Variants in PTPRD observed in about 807,000 individuals in gnomAD.
The protein encoded by PTPRD is protein tyrosine phosphatase receptor type D.
PTPRD carries 34 observed loss-of-function variants against 214.5 expected under a neutral mutation model. The ratio of observed to expected loss-of-function variants is 0.16; its 90% CI spans 0.12 to 0.21. PTPRD has a LOEUF of 0.21. Among genes scored for constraint, PTPRD ranks in the 10% least tolerant of loss-of-function variants. The pLI, the probability that PTPRD is intolerant of heterozygous loss-of-function variation, is 1.00. For missense variants in PTPRD, 2,545 were observed against 2,398.7 expected, an observed-to-expected ratio of 1.06 and a Z score of -1.27; for synonymous variants, 1,128 against 845.7, an observed-to-expected ratio of 1.33 and a Z score of -5.79.
intron 4 of PTPRD, among the ~76,000 whole-genome samples, chr9:10,024,855 C>A (rs899166506): frequency 6.2e-5 from 9 of 145,628 alleles, no homozygotes; most frequent in Non-Finnish European, 1.3e-4. Flanking sequence ...TGTTCAATTC[C>A]CACCTATGAG....
intron 14 of PTPRD, among the ~76,000 whole-genome samples, chr9:8,605,604 T>A (rs1232861787): frequency 1.3e-5 from 2 of 152,196 alleles, no homozygotes; most frequent in Non-Finnish European, 2.9e-5. Context: ...GAAGCCTCCA[T>A]CTCTACATAA....
chr9:8,324,696 A>T (rs981262911), intron 44 of PTPRD, among the ~76,000 whole-genome samples: 1 of 152,140 alleles, frequency 6.6e-6, no homozygotes, highest in Middle Eastern at 3.2e-3. Flanking sequence ...ACACTGGTTT[A>T]ACTAATTTAC....
rs544514775 is a variant in PTPRD, at chr9:8,332,420, A to C, written c.5380-684T>G. On this transcript the variant is annotated intron_variant, in intron 43 of 45. Transcript: ENST00000381196. ...TGTGCTGTTAAGTGGGAAGTAAAGC[A>C]TCCCTCAAGGATACCAACGACTATT... 2.0e-5 allele frequency among the ~76,000 whole-genome samples: 3 copies of C among 152,320 alleles called. No individual in the cohort carries two copies. In the East Asian group the frequency reaches 5.8e-4, roughly 29 times the overall value.
chr9:8,519,420 C>G (rs923506041), intron 20 of PTPRD, among the ~76,000 whole-genome samples: 5 of 152,116 alleles, frequency 3.3e-5, no homozygotes, highest in Non-Finnish European at 7.4e-5. Context: ...GATTCTGAAA[C>G]GCAGTGCTAT....
chr9:10,194,682 CAT>C (rs1564449626), intron 3 of PTPRD, among the ~76,000 whole-genome samples: 1 of 9,974 alleles, frequency 1.0e-4, no homozygotes, highest in Non-Finnish European at 5.9e-4. Flanking sequence ...CACACAATTA[CAT>C]ACATTGGTTA....
intron 9 of PTPRD, among the ~76,000 whole-genome samples, chr9:9,261,576 G>C (rs1190843545): frequency 6.6e-6 from 1 of 151,736 alleles, no homozygotes; most frequent in Non-Finnish European, 1.5e-5. Flanking sequence ...TAAAATGGGG[G>C]AAGGGGTGGC....
intron 12 of PTPRD, among the ~76,000 whole-genome samples, chr9:8,727,911 A>G (rs1197769111): frequency 3.3e-5 from 5 of 152,210 alleles, no homozygotes; most frequent in Non-Finnish European, 5.9e-5. Flanking sequence ...GGTATTTAGT[A>G]TATTATGTTT....
chr9:9,556,635 C>A (rs1002425467), intron 8 of PTPRD, among the ~76,000 whole-genome samples: 1 of 152,170 alleles, frequency 6.6e-6, no homozygotes, highest in African/African-American at 2.4e-5. Flanking sequence ...AGGGCCCCAT[C>A]TAAGATAAAT....
At chr9:10,274,575 T>C (rs2094579092) in intron 3 of PTPRD, among the ~76,000 whole-genome samples, 2 of 152,160 alleles carry the variant, frequency 1.3e-5, no homozygotes, top group Admixed American at 1.3e-4. Flanking sequence ...AGACACCAAA[T>C]GTCCTGAATA....
chr9:9,327,789 A>G (rs1381996925), intron 9 of PTPRD, among the ~76,000 whole-genome samples: 6 of 152,094 alleles, frequency 3.9e-5, no homozygotes, highest in East Asian at 1.9e-4. Flanking sequence ...CATAAAATGT[A>G]TGATAGCATG....
At chr9:8,822,754 G>A (rs1317139681) in intron 11 of PTPRD, among the ~76,000 whole-genome samples, 1 of 152,094 alleles carries the variant, frequency 6.6e-6, no homozygotes, top group African/African-American at 2.4e-5. Flanking sequence ...ATTTGCCCAA[G>A]GTCCCGCAGC....
intron 5 of PTPRD, among the ~76,000 whole-genome samples, chr9:9,887,928 T>C (rs2071593077): frequency 6.6e-6 from 1 of 152,004 alleles, no homozygotes; most frequent in Non-Finnish European, 1.5e-5. Context: ...TGGAGGGAGA[T>C]AATACACTCA....
At chr9:10,023,589 T>C (rs914554886) in intron 4 of PTPRD, among the ~76,000 whole-genome samples, 5 of 151,986 alleles carry the variant, frequency 3.3e-5, no homozygotes, top group East Asian at 1.9e-4. Context: ...TGATCTCTCA[T>C]GCATTTTATT....
intron 11 of PTPRD, among the ~76,000 whole-genome samples, chr9:8,944,559 T>C (rs188006917): frequency 6.6e-6 from 1 of 152,254 alleles, no homozygotes. Flanking sequence ...CGCCATGAAG[T>C]ACTATTCAGC....
chr9:8,785,026 G>A (rs1000531060), intron 11 of PTPRD, among the ~76,000 whole-genome samples: 5 of 152,028 alleles, frequency 3.3e-5, no homozygotes, highest in Admixed American at 3.3e-4. Flanking sequence ...CACCCTGCCA[G>A]TCCTGCCTTC....
chr9:8,594,015 T>C (rs551740574), intron 14 of PTPRD, among the ~76,000 whole-genome samples: 20 of 152,298 alleles, frequency 1.3e-4, no homozygotes, highest in Admixed American at 1.1e-3. Flanking sequence ...ATATGAGTGA[T>C]AGGGACTTCT....
chr9:10,084,778 T>G (rs1390565755), intron 3 of PTPRD, among the ~76,000 whole-genome samples: 2 of 152,046 alleles, frequency 1.3e-5, no homozygotes, highest in Admixed American at 6.6e-5. Context: ...CATCTTTATT[T>G]ACAAAATTCA....
chr9:10,595,627 T>C (rs1056156760), intron 2 of PTPRD, among the ~76,000 whole-genome samples: 13 of 151,466 alleles, frequency 8.6e-5, no homozygotes, highest in African/African-American at 2.9e-4. Context: ...TGGGTACTTT[T>C]AATTTAATTG....
At chr9:10,260,622 G>C (rs2093629498) in intron 3 of PTPRD, among the ~76,000 whole-genome samples, 1 of 152,132 alleles carries the variant, frequency 6.6e-6, no homozygotes, top group Admixed American at 6.5e-5. Context: ...TAAATCTGTA[G>C]TCATGCAGTA....
Sources: allele counts gnomAD v4.1 joint callset (sites outside exome capture counted in the v4.1 genomes callset), GRCh38; gene constraint gnomAD v4.1.1; transcripts MANE v1.5; gene names NCBI Gene and HGNC (gene_info 2026-07-23, HGNC 2026-07-21).